STAG1: variants seen among roughly 807,000 people sequenced by gnomAD.
STAG1 encodes cohesin subunit SA-1.
Under a neutral mutation model 170.9 loss-of-function variants are expected in STAG1, and 26 were observed. The observed-to-expected ratio is 0.15, with a 90% CI of 0.11 to 0.21. The LOEUF (loss-of-function observed/expected upper bound fraction) is 0.21. Ranked by LOEUF, STAG1 falls within the 10% of genes least tolerant of loss-of-function variation. The pLI is 1.00. For synonymous variants in STAG1, 514 were observed against 497.7 expected, an observed-to-expected ratio of 1.03 and a Z score of -0.44; for missense variants, 964 against 1,509.5, an observed-to-expected ratio of 0.64 and a Z score of 5.99.
intron 9 of STAG1, among the ~76,000 whole-genome samples, chr3:136,494,749 C>A (rs1334491099): frequency 6.6e-6 from 1 of 152,158 alleles, no homozygotes; most frequent in Admixed American, 6.5e-5. Flanking sequence ...AAACACCCAA[C>A]AAATCAGGCT....
intron 1 of STAG1, among the ~76,000 whole-genome samples, chr3:136,661,140 A>G (rs1474692219): frequency 6.6e-6 from 1 of 152,232 alleles, no homozygotes; most frequent in Non-Finnish European, 1.5e-5. Context: ...CAAATATCTT[A>G]GAATAACTCT....
At chr3:136,518,623 G>A (rs1934500009) in intron 7 of STAG1, among the ~76,000 whole-genome samples, 1 of 151,990 alleles carries the variant, frequency 6.6e-6, no homozygotes, top group Non-Finnish European at 1.5e-5. Flanking sequence ...AGTGAGCCTT[G>A]GAAGATATAA....
intron 3 of STAG1, among the ~76,000 whole-genome samples, chr3:136,605,425 T>A (rs948843179): frequency 6.6e-6 from 1 of 152,216 alleles, no homozygotes; most frequent in Admixed American, 6.5e-5. Flanking sequence ...TTCATTCACA[T>A]ACAAACTCAT....
intron 22 of STAG1, among the ~76,000 whole-genome samples, chr3:136,397,863 T>A (rs1201890371): frequency 1.3e-5 from 2 of 151,998 alleles, no homozygotes; most frequent in Non-Finnish European, 2.9e-5. Context: ...AAAAAAAAAA[T>A]TTACCCAACA....
At chr3:136,604,495 A>G in intron 3 of STAG1, 22 bp from the exon 4 acceptor site, 1 of 1,578,078 alleles carries the variant, frequency 6.3e-7, no homozygotes, top group Admixed American at 1.9e-5. Context: ...ATAAAAAAAG[A>G]TTCCATTCGA....
At chr3:136,728,741 CAG>C (rs1482323783) in intron 1 of STAG1, among the ~76,000 whole-genome samples, 1 of 152,150 alleles carries the variant, frequency 6.6e-6, no homozygotes, top group African/African-American at 2.4e-5. Flanking sequence ...TCCATCACTG[CAG>C]AAAGTTACAT....
At chr3:136,746,529 A>T (rs1188981016) in intron 1 of STAG1, among the ~76,000 whole-genome samples, 1 of 152,190 alleles carries the variant, frequency 6.6e-6, no homozygotes, top group East Asian at 1.9e-4. Flanking sequence ...TCCTTGGCTA[A>T]CCTGTCTTAA....
intron 22 of STAG1, among the ~76,000 whole-genome samples, chr3:136,396,214 T>TTG (rs1242416844): frequency 1.4e-5 from 2 of 143,044 alleles, no homozygotes; most frequent in Non-Finnish European, 1.5e-5. Context: ...ACACAGTTTT[T>TTG]TTTTTTTTTT....
intron 21 of STAG1, among the ~76,000 whole-genome samples, chr3:136,413,429 G>A (rs972254577): frequency 8.6e-5 from 13 of 150,858 alleles, no homozygotes; most frequent in African/African-American, 1.9e-4. Context: ...ATTAGAATAC[G>A]TAATTTCTTT....
intron 5 of STAG1, among the ~76,000 whole-genome samples, chr3:136,543,515 A>AT (rs1936003982): frequency 6.6e-6 from 1 of 152,204 alleles, no homozygotes; most frequent in African/African-American, 2.4e-5. Context: ...ACAGACTGTA[A>AT]TTGTAGTTGC....
Position 136,341,497 on chromosome 3 carries a change from C to A in STAG1, c.3501G>T (p.Arg1167=). The A allele has an allele frequency of 6.2e-7, 1 of 1,613,996 alleles. No individual in the cohort carries two copies. Among genetic ancestry groups the A allele is most frequent in the Non-Finnish European group, 8.5e-7 (1 of 1,179,984 alleles). Reference sequence around the variant, plus strand: ...TGTAGTTCATTCCTGTTCTGTCCTTCCGATTTAAGTCTTCTAACTTCGGCT... The same window carrying A: ...TGTAGTTCATTCCTGTTCTGTCCTTACGATTTAAGTCTTCTAACTTCGGCT... ...LGQPKLEDLN[R]KDRTGMNYMK... Residue 1167 remains arginine (R), a synonymous_variant, in exon 31 of 34, where the codon CGG becomes CGT. Transcript: ENST00000383202.
intron 10 of STAG1, among the ~76,000 whole-genome samples, chr3:136,477,068 T>C (rs1258704647): frequency 6.6e-6 from 1 of 152,156 alleles, no homozygotes; most frequent in Non-Finnish European, 1.5e-5. Flanking sequence ...TCAAACTTGG[T>C]TCAAGACAAT....
chr3:136,540,821 C>CAAAAAAAAAA (rs1425631397), intron 6 of STAG1, among the ~76,000 whole-genome samples: 1 of 11,196 alleles, frequency 8.9e-5, no homozygotes, highest in Non-Finnish European at 1.6e-4. Context: ...AACTGTGTCT[C>CAAAAAAAAAA]CAAAAAAAAA....
chr3:136,352,290 T>C (rs999443957), intron 28 of STAG1, among the ~76,000 whole-genome samples: 1 of 152,124 alleles, frequency 6.6e-6, no homozygotes, highest in Non-Finnish European at 1.5e-5. Context: ...GCCTCCCGAG[T>C]AGCTGGGACT....
intron 3 of STAG1, among the ~76,000 whole-genome samples, chr3:136,619,676 GA>G (rs1939752571): frequency 7.1e-6 from 1 of 140,478 alleles, no homozygotes; most frequent in Non-Finnish European, 1.5e-5. Context: ...AGAATTGCTT[GA>G]ACCTGGGAGG....
intron 1 of STAG1, among the ~76,000 whole-genome samples, chr3:136,671,939 T>C (rs1021050713): frequency 1.3e-5 from 2 of 152,046 alleles, no homozygotes; most frequent in Non-Finnish European, 2.9e-5. Flanking sequence ...AATGTAAGTG[T>C]AGAACAAAAA....
intron 30 of STAG1, among the ~76,000 whole-genome samples, chr3:136,341,807 CCT>C (rs1019910308): frequency 2.0e-5 from 3 of 152,222 alleles, no homozygotes; most frequent in Non-Finnish European, 4.4e-5. Flanking sequence ...GGTTCTCAGA[CCT>C]CTGTTTTGGG....
chr3:136,678,497 T>C (rs1216968413), intron 1 of STAG1, among the ~76,000 whole-genome samples: 1 of 124,940 alleles, frequency 8.0e-6, no homozygotes, highest in Non-Finnish European at 1.8e-5. Context: ...TTATCCAACA[T>C]ACAAAAATAA....
intron 6 of STAG1, among the ~76,000 whole-genome samples, chr3:136,541,382 G>A (rs960591660): frequency 7.9e-5 from 12 of 152,060 alleles, no homozygotes; most frequent in African/African-American, 2.9e-4. Flanking sequence ...CTGTGGAAAT[G>A]TTTCTGCATT....
Sources: gnomAD v4.1 joint callset for allele counts (sites outside exome capture counted in the v4.1 genomes callset) on GRCh38, gnomAD v4.1.1 for gene constraint, MANE v1.5 for transcripts, NCBI Gene and HGNC (gene_info 2026-07-23, HGNC 2026-07-21) for gene names.